LRRC28: variants seen among roughly 807,000 people sequenced by gnomAD.
LRRC28 encodes leucine rich repeat containing 28, also known as leucine-rich repeat-containing protein 28.
LRRC28 carries 39 observed loss-of-function variants against 45.7 expected under a neutral mutation model. The ratio of observed to expected loss-of-function variants is 0.85; its 90% CI spans 0.66 to 1.12. The LOEUF (loss-of-function observed/expected upper bound fraction) is 1.12. Ranked by LOEUF, LRRC28 falls within the 50% of genes most tolerant of loss-of-function variation. The pLI, the probability that LRRC28 is intolerant of heterozygous loss-of-function variation, is 0.00. For synonymous variants in LRRC28, 206 were observed against 178.8 expected, an observed-to-expected ratio of 1.15 and a Z score of -1.22; for missense variants, 435 against 438.5, an observed-to-expected ratio of 0.99 and a Z score of 0.07.
chr15:99,297,999 AG>A (rs1226134574), intron 5 of LRRC28, among the ~76,000 whole-genome samples: 5 of 152,132 alleles, frequency 3.3e-5, no homozygotes, highest in Non-Finnish European at 7.4e-5. Context: ...GGGAAATGGT[AG>A]AAAACTTGCC....
Position 99,287,241 on chromosome 15 carries a change from T to TC in LRRC28, c.210-15dup. On this transcript the variant is annotated splice_polypyrimidine_tract_variant and intron_variant, in intron 3 of 9. Transcript: ENST00000301981. ...ACTTAATGATAATGGCTGTTTTTTT[T>TC]CTTTTTCCTTCCTAGATACCTGCAC... 1 of 1,569,870 alleles carries TC rather than the reference T, an allele frequency of 6.4e-7. No homozygotes were observed. Among genetic ancestry groups the TC allele is most frequent in the Non-Finnish European group, 8.6e-7 (1 of 1,161,208 alleles).
chr15:99,325,120 C>A (rs903544300), intron 5 of LRRC28, among the ~76,000 whole-genome samples: 5 of 152,068 alleles, frequency 3.3e-5, no homozygotes, highest in African/African-American at 1.2e-4. Flanking sequence ...CGGTATTTTG[C>A]AGTTTGTAGC....
chr15:99,350,142 C>CAAAA (rs71149462), intron 6 of LRRC28, among the ~76,000 whole-genome samples: 4 of 97,878 alleles, frequency 4.1e-5, no homozygotes, highest in Non-Finnish European at 8.0e-5. Flanking sequence ...GACTCCGTCT[C>CAAAA]AAAAAAAAAA....
At position 99,254,049 on chromosome 15, in the gene LRRC28, T is replaced by G. The variant is rs530686264; in HGVS notation, c.-60-1849T>G. Reference sequence around the variant, plus strand: ...CTCTTTGAATGTGTTAAGTTTGAGATGGTTGTGAGACATCTAAACTGCTAA... The same window carrying G: ...CTCTTTGAATGTGTTAAGTTTGAGAGGGTTGTGAGACATCTAAACTGCTAA... On this transcript the variant is annotated intron_variant, in intron 1 of 9. Coordinates refer to ENST00000301981, the MANE Select transcript of LRRC28 (RefSeq NM_144598.5). Among the ~76,000 whole-genome samples the G allele has an allele frequency of 3.9e-5, 6 of 152,356 alleles. No homozygotes were observed. In the East Asian group the frequency reaches 1.2e-3, roughly 29 times the overall value.
Position 99,287,858 on chromosome 15 carries a change from A to C in LRRC28, c.292A>C (p.Asn98His), listed in dbSNP as rs1455628258. The C allele has an allele frequency of 6.2e-7, 1 of 1,613,706 alleles. No homozygotes were observed. The highest frequency in any genetic ancestry group is 1.1e-5 in the South Asian group (1 of 91,046). The change falls in exon 5 of 10, where the codon AAT becomes CAT. Residue 98 changes from asparagine to histidine, a missense_variant. Transcript: ENST00000301981. ...VKLQCLDLSD[N>H]ALEIVCPEIG... is the part of the protein sequence containing the mutation. ...ACTCCAATGTCTGGATCTTAGTGAC[A>C]ATGCCTTAGAAATTGTTTGCCCAGA...
At chr15:99,253,100 G>C (rs546259822) in intron 1 of LRRC28, among the ~76,000 whole-genome samples, 1 of 150,358 alleles carries the variant, frequency 6.7e-6, no homozygotes, top group Non-Finnish European at 1.5e-5. Flanking sequence ...GAACACCAGG[G>C]GAATTACTTT....
At position 99,387,977 on chromosome 15, in the gene LRRC28, C is replaced by G. The variant is rs1381524468; in HGVS notation, c.*1875C>G. 6.6e-6 allele frequency: 1 copy of G among 152,192 alleles called. No individual in the cohort carries two copies. Among genetic ancestry groups the G allele is most frequent in the Non-Finnish European group, 1.5e-5 (1 of 68,034 alleles). The allele number at this position is 152,192 out of a possible 1,614,324, so 9.4% of individuals were successfully genotyped here. A position where few individuals can be genotyped will look rare whatever the true frequency, so the allele number is the denominator to read the frequency against. ...GAAGGCAGAAAGTTACCGTGTGTTC[C>G]CACTGTATCTGCACTGTTCTTACTT... is the stretch of plus-strand genomic sequence containing the variant. On this transcript the variant is annotated 3_prime_UTR_variant, in exon 10 of 10. Transcript: ENST00000301981.
chr15:99,268,041 A>G (rs1213905915), intron 2 of LRRC28, among the ~76,000 whole-genome samples: 1 of 152,230 alleles, frequency 6.6e-6, no homozygotes, highest in Non-Finnish European at 1.5e-5. Context: ...GTCACTTTTC[A>G]GTGCAAAAAT....
intron 9 of LRRC28, among the ~76,000 whole-genome samples, chr15:99,383,643 C>T (rs1957896907): frequency 6.6e-6 from 1 of 152,196 alleles, no homozygotes. Context: ...TTCTCTCTCA[C>T]CTCTGATAAT....
intron 6 of LRRC28, among the ~76,000 whole-genome samples, chr15:99,337,113 A>G (rs895922151): frequency 1.3e-5 from 2 of 152,038 alleles, no homozygotes; most frequent in African/African-American, 2.4e-5. Context: ...ACCTTTGCCT[A>G]TTCTCCCTCC....
chr15:99,349,366 T>C (rs1956799348), intron 6 of LRRC28, among the ~76,000 whole-genome samples: 1 of 152,074 alleles, frequency 6.6e-6, no homozygotes, highest in Non-Finnish European at 1.5e-5. Flanking sequence ...TGAATCACCA[T>C]TTGAAAAAAG....
chr15:99,378,632 A>G (rs1214098277), intron 9 of LRRC28, among the ~76,000 whole-genome samples: 4 of 152,150 alleles, frequency 2.6e-5, no homozygotes, highest in Non-Finnish European at 5.9e-5. Context: ...TTCAAAGGGA[A>G]TGCTTCCAGT....
At chr15:99,266,868 T>A (rs1190139130) in intron 2 of LRRC28, among the ~76,000 whole-genome samples, 1 of 152,210 alleles carries the variant, frequency 6.6e-6, no homozygotes, top group Non-Finnish European at 1.5e-5. Context: ...ACTATTATGA[T>A]CCTTATTTTA....
chr15:99,354,071 TATCAAACAACCAGTTTTCTA>T (rs1465062583), intron 7 of LRRC28: 1 of 152,214 alleles, frequency 6.6e-6, no homozygotes, highest in Non-Finnish European at 1.5e-5. Context: ...AACAGGATAG[TATCAAACAACCAGTTTTCTA>T]ATAGTAGTAT....
At chr15:99,284,972 A>G in intron 3 of LRRC28, 1 of 628,304 alleles carries the variant, frequency 1.6e-6, no homozygotes, top group Non-Finnish European at 3.0e-6. Flanking sequence ...CACGACCACC[A>G]TCAAAATTTC....
rs1567726759 is a variant in LRRC28 at position 99,390,320 on chromosome 15, G to A, written c.*4218G>A. On this transcript the variant is annotated 3_prime_UTR_variant, in exon 10 of 10. Transcript: ENST00000301981. ...GTATGTGTGGTCCCCTTGTACTTTG[G>A]AGACAGAAGGTACTGGCAGCGAGTG... The A allele has an allele frequency of 6.6e-6, 1 of 152,272 alleles. No individual in the cohort carries two copies. The highest frequency in any genetic ancestry group is 2.1e-4 in the South Asian group (1 of 4,830). The allele number at this position is 152,272 out of a possible 1,614,324, so 9.4% of individuals were successfully genotyped here. A position where few individuals can be genotyped will look rare whatever the true frequency, so the allele number is the denominator to read the frequency against.
intron 3 of LRRC28, among the ~76,000 whole-genome samples, chr15:99,278,799 C>T (rs750336192): frequency 3.3e-5 from 5 of 152,326 alleles, no homozygotes; most frequent in South Asian, 2.1e-4. Flanking sequence ...AGGTCTCTTA[C>T]GAAGCTGCAG....
chr15:99,275,356 C>T (rs1208776002), intron 2 of LRRC28, among the ~76,000 whole-genome samples: 2 of 152,156 alleles, frequency 1.3e-5, no homozygotes, highest in Admixed American at 6.5e-5. Flanking sequence ...TGCCAATGGC[C>T]AATTTCCTGG....
At chr15:99,259,889 G>T (rs2081145038) in intron 2 of LRRC28, 5 of 744,458 alleles carry the variant, frequency 6.7e-6, no homozygotes, top group Non-Finnish European at 1.2e-5. Flanking sequence ...AAAGGTGGAA[G>T]AACCCGACGA....
Sources: allele counts gnomAD v4.1 joint callset (sites outside exome capture counted in the v4.1 genomes callset), GRCh38; gene constraint gnomAD v4.1.1; transcripts MANE v1.5; gene names NCBI Gene and HGNC (gene_info 2026-07-23, HGNC 2026-07-21).